The following KIF11 variants were observed in gnomAD, a reference collection of about 807,000 sequenced individuals.
The protein encoded by KIF11 is kinesin-like protein KIF11.
KIF11 carries 9 observed loss-of-function variants against 121.0 expected under a neutral mutation model. That is an observed-to-expected ratio of 0.07 (90% CI 0.04 to 0.13). The LOEUF is 0.13. Ranked by LOEUF, KIF11 falls within the 10% of genes least tolerant of loss-of-function variation. The pLI is 1.00. For missense variants in KIF11, 846 were observed against 1,217.5 expected, an observed-to-expected ratio of 0.69 and a Z score of 4.54; for synonymous variants, 408 against 421.0, an observed-to-expected ratio of 0.97 and a Z score of 0.38.
chr10:92,603,732 C>T (rs1222082674), intron 1 of KIF11, among the ~76,000 whole-genome samples: 1 of 152,116 alleles, frequency 6.6e-6, no homozygotes, highest in Non-Finnish European at 1.5e-5. Flanking sequence ...AAGTGATTCA[C>T]CCACCTCAGC....
rs1844315098 is a variant in KIF11, at chr10:92,597,682, G to T, written c.77+4230G>T. On this transcript the variant is annotated intron_variant, in intron 1 of 21. Coordinates refer to ENST00000260731, the MANE Select transcript of KIF11 (RefSeq NM_004523.4). ...TGTTTGTTTTTTGAGACGGAATTTT[G>T]CTCTCGTTGCCTAGGCTGGAGTGCA... Among the ~76,000 whole-genome samples the T allele has an allele frequency of 2.0e-5, 3 of 151,418 alleles. No homozygotes were observed. In the South Asian group the frequency reaches 6.2e-4, roughly 31 times the overall value.
rs7073957 is a variant in KIF11 at position 92,647,910 on chromosome 10, A to G, written c.2548-302A>G. ...GATTGCTTGAGCCCAGGAGTTTGAG[A>G]CCAGCTTGGGCAACATGGTGAAATG... On this transcript the variant is annotated intron_variant, in intron 18 of 21. Coordinates refer to ENST00000260731, the MANE Select transcript of KIF11 (RefSeq NM_004523.4). 0.035 allele frequency among the ~76,000 whole-genome samples: 5,333 copies of G among 152,076 alleles called. 357 individuals carry two copies. Among genetic ancestry groups the G allele is most frequent in the African/African-American group, 0.12 (5,060 of 41,414 alleles).
Position 92,648,535 on chromosome 10 carries a change from C to A in KIF11, c.2770+101C>A, listed in dbSNP as rs553838606. 5.2e-5 allele frequency: 35 copies of A among 672,598 alleles called. No individual in the cohort carries two copies. In the African/African-American group the frequency reaches 6.0e-4, roughly 12 times the overall value. 41.7% of individuals were successfully genotyped at this position (672,598 alleles called of 1,614,324 possible). A position where few individuals can be genotyped will look rare whatever the true frequency, so the allele number is the denominator to read the frequency against. The stretch of plus-strand genomic sequence containing the variant: ...AAAATTAGGTCCTGCCATTGCCTGA[C>A]AGAAATTTAACATCTCACTGTAATC... On this transcript the variant is annotated intron_variant, in intron 19 of 21. Coordinates refer to ENST00000260731, the MANE Select transcript of KIF11 (RefSeq NM_004523.4).
At chr10:92,644,924 T>G (rs1844903280) in intron 17 of KIF11, among the ~76,000 whole-genome samples, 1 of 152,214 alleles carries the variant, frequency 6.6e-6, no homozygotes, top group East Asian at 1.9e-4. Context: ...GCTTTATAGC[T>G]AATTTAAACA....
In KIF11 at chr10:92,630,245, C is replaced by A. The variant is rs1232585752; in HGVS notation, c.1375C>A (p.Gln459Lys). The change falls in exon 12 of 22, where the codon CAA becomes AAA. Residue 459 changes from glutamine (Q) to lysine (K), a missense_variant. Physicochemically the swap from Gln to Lys is moderately conservative, Grantham distance 53. Transcript: ENST00000260731. ...QCKSDLQNKT[Q>K]ELETTQKHLQ... ...TAAATCTGACCTGCAAAATAAAACACAAGAACTTGAAACCACTCAAAAACA... is the reference window on the plus strand; with the variant it reads ...TAAATCTGACCTGCAAAATAAAACAAAAGAACTTGAAACCACTCAAAAACA... 12 of 1,609,080 alleles carry A rather than the reference C, an allele frequency of 7.5e-6. No individual in the cohort carries two copies. The highest frequency in any genetic ancestry group is 7.6e-6 in the Non-Finnish European group (9 of 1,177,040).
chr10:92,630,448 G>T, intron 12 of KIF11, 84 bp downstream of exon 12: 1 of 675,792 alleles, frequency 1.5e-6, no homozygotes. Flanking sequence ...TAAATATTCT[G>T]TTTATTCACC....
intron 6 of KIF11, among the ~76,000 whole-genome samples, chr10:92,612,573 A>G (rs918892224): frequency 2.6e-5 from 4 of 152,350 alleles, no homozygotes; most frequent in South Asian, 4.1e-4. Context: ...TTCTGATGAC[A>G]GTCTCAAAGC....
At chr10:92,652,842 A>G (rs12411448) in intron 21 of KIF11, among the ~76,000 whole-genome samples, 1,927 of 152,294 alleles carry the variant, frequency 0.013, 140 homozygotes, top group Admixed American at 0.11. Flanking sequence ...CCTTCAGCTG[A>G]AGTCCAGAAA....
intron 8 of KIF11, among the ~76,000 whole-genome samples, chr10:92,616,156 A>G: frequency 6.7e-6 from 1 of 149,976 alleles, no homozygotes; most frequent in East Asian, 2.0e-4. Flanking sequence ...CATTTTGTTT[A>G]TTCATCAGTT....
chr10:92,618,645 A>G (rs1201976640), intron 9 of KIF11, among the ~76,000 whole-genome samples: 5 of 147,710 alleles, frequency 3.4e-5, no homozygotes, highest in Admixed American at 2.7e-4. Flanking sequence ...CTCTGTCTCA[A>G]AAAAAAAAAA....
Position 92,648,319 on chromosome 10 carries a change from T to A in KIF11, c.2655T>A (p.Thr885=). 1.2e-6 allele frequency: 2 copies of A among 1,610,136 alleles called. No individual in the cohort carries two copies. ...KQHNIFLDQM[T]IDEDKLIAQN... is the part of the protein sequence containing the mutation. Reference sequence around the variant, plus strand: ...ATAACATTTTTCTTGATCAGATGACTATTGATGAAGATAAATTGATAGCAC... The same window carrying A: ...ATAACATTTTTCTTGATCAGATGACAATTGATGAAGATAAATTGATAGCAC... The change falls in exon 19 of 22, where the codon ACT becomes ACA. Residue 885 remains threonine (T), a synonymous_variant. Transcript: ENST00000260731.
rs1381997548 is a variant in KIF11, at chr10:92,645,569, G to T, written c.2474G>T (p.Arg825Ile). 6.2e-7 allele frequency: 1 copy of T among 1,613,102 alleles called. No homozygotes were observed. The change falls in exon 18 of 22, where the codon AGA becomes ATA. Residue 825 changes from arginine (R) to isoleucine (I), a missense_variant. Arg to Ile is a moderately conservative substitution (Grantham distance 97). This residue lies in a region of KIF11 where 492 missense variants were observed against 603.4 expected (regional missense o/e 0.82). Coordinates refer to ENST00000260731, the MANE Select transcript of KIF11 (RefSeq NM_004523.4). ...TEQRCESLNT[R>I]TVYFSEQWVS... ...CAGAGATGTGAATCTCTGAACACAAGAACAGTTTATTTTTCTGAACAGTGG... is the reference window on the plus strand; with the variant it reads ...CAGAGATGTGAATCTCTGAACACAATAACAGTTTATTTTTCTGAACAGTGG...
chr10:92,599,627 T>TTG (rs1554858700), intron 1 of KIF11, among the ~76,000 whole-genome samples: 7 of 151,416 alleles, frequency 4.6e-5, no homozygotes, highest in Non-Finnish European at 1.0e-4. Context: ...CAGTTTTTTT[T>TTG]TGTGTGTGTG....
chr10:92,640,363 C>T (rs1844851665), intron 17 of KIF11, among the ~76,000 whole-genome samples: 1 of 152,278 alleles, frequency 6.6e-6, no homozygotes, highest in African/African-American at 2.4e-5. Flanking sequence ...TGAACAATAG[C>T]CTAAAATATT....
At chr10:92,625,382 T>A (rs1339391997) in intron 10 of KIF11, among the ~76,000 whole-genome samples, 2 of 151,390 alleles carry the variant, frequency 1.3e-5, no homozygotes, top group African/African-American at 4.9e-5. Context: ...ACAGTTTCAC[T>A]GTTGCCCAGG....
rs1397323350 is a variant in KIF11, at chr10:92,637,424, G to A, written c.2039G>A (p.Ser680Asn). ...AAAAAGGAACTAGATGGCTTTCTCA[G>A]TATACTGTGTAACAATCTACATGAA... The part of the protein sequence containing the change: ...DQKKELDGFL[S>N]ILCNNLHELQ... The change falls in exon 16 of 22, where the codon AGT becomes AAT. Residue 680 changes from serine (S) to asparagine (N), a missense_variant. By Grantham distance (46) the Ser-to-Asn change is conservative. Around this residue, in one of 5 missense-constraint regions of KIF11, gnomAD observed 492 missense variants for 603.4 expected, o/e 0.82. Coordinates refer to ENST00000260731, the MANE Select transcript of KIF11 (RefSeq NM_004523.4). The A allele has an allele frequency of 6.3e-7, 1 of 1,593,178 alleles. No individual in the cohort carries two copies. Among genetic ancestry groups the A allele is most frequent in the Non-Finnish European group, 8.5e-7 (1 of 1,175,470 alleles).
intron 9 of KIF11, among the ~76,000 whole-genome samples, 171 bp from the exon 10 acceptor site, chr10:92,621,214 T>C (rs968738943): frequency 6.6e-6 from 1 of 152,194 alleles, no homozygotes; most frequent in African/African-American, 2.4e-5. Context: ...AAAGACTTTA[T>C]TTCTAAACAA....
chr10:92,632,738 A>C, intron 13 of KIF11, 45 bp downstream of exon 13: 2 of 1,225,366 alleles, frequency 1.6e-6, no homozygotes, highest in Non-Finnish European at 2.2e-6. Flanking sequence ...GTTAAGTGTA[A>C]TGTTGATTTC....
chr10:92,627,615 A>G (rs1844694341), intron 10 of KIF11, among the ~76,000 whole-genome samples: 1 of 150,930 alleles, frequency 6.6e-6, no homozygotes, highest in Admixed American at 6.6e-5. Flanking sequence ...CCCTGTTGTG[A>G]TATCTGTCAT....
Sources: gnomAD v4.1 joint callset for allele counts (sites outside exome capture counted in the v4.1 genomes callset) on GRCh38, gnomAD v4.1.1 for gene constraint, gnomAD v4.1.1 regional missense constraint, MANE v1.5 for transcripts, NCBI Gene and HGNC (gene_info 2026-07-23, HGNC 2026-07-21) for gene names.